DMXL2: variants seen among roughly 807,000 people sequenced by gnomAD.
The protein encoded by DMXL2 is dmX-like protein 2.
DMXL2 carries 103 observed loss-of-function variants against 331.1 expected under a neutral mutation model. The observed-to-expected ratio is 0.31, with a 90% CI of 0.27 to 0.37. DMXL2 has a LOEUF of 0.37. Among genes scored for constraint, DMXL2 ranks in the 10% least tolerant of loss-of-function variants. DMXL2 has a pLI of 1.00. For missense variants in DMXL2, 3,171 were observed against 3,642.9 expected (o/e 0.87, Z 3.33); for synonymous variants, 1,281 against 1,252.1 (o/e 1.02, Z -0.49).
chr15:51,549,957 G>C, intron 6 of DMXL2, among the ~76,000 whole-genome samples: 1 of 151,712 alleles, frequency 6.6e-6, no homozygotes, highest in East Asian at 1.9e-4. Context: ...AGAAACTCCA[G>C]GAAAGGACAT....
intron 43 of DMXL2, among the ~76,000 whole-genome samples, chr15:51,449,725 A>T (rs948144152): frequency 1.3e-5 from 2 of 152,174 alleles, no homozygotes; most frequent in Non-Finnish European, 2.9e-5. Context: ...GTTGGGACAT[A>T]ATCCCACCAT....
intron 33 of DMXL2, among the ~76,000 whole-genome samples, chr15:51,461,977 CAA>C (rs1164593502): frequency 5.3e-5 from 8 of 152,184 alleles, no homozygotes; most frequent in Non-Finnish European, 1.2e-4. Context: ...ATTTCCCTAA[CAA>C]AGTCACATCA....
At chr15:51,616,100 G>C (rs1191340824) in intron 1 of DMXL2, among the ~76,000 whole-genome samples, 1 of 152,136 alleles carries the variant, frequency 6.6e-6, no homozygotes, top group Non-Finnish European at 1.5e-5. Context: ...GTTTTTAGAA[G>C]ACAGTGGACC....
At chr15:51,573,335 C>T (rs1046334208) in intron 2 of DMXL2, among the ~76,000 whole-genome samples, 4 of 152,184 alleles carry the variant, frequency 2.6e-5, no homozygotes, top group Admixed American at 2.6e-4. Flanking sequence ...ACCCACCAAT[C>T]CCATTACTGG....
chr15:51,455,239 A>T lies in DMXL2; in HGVS notation c.8527-11T>A. On this transcript the variant is annotated splice_polypyrimidine_tract_variant and intron_variant, in intron 39 of 43. Transcript: ENST00000560891. ...ATCCGCAACACCACACTGTAAGAAC[A>T]GTATAACTACTAAACACATGTTCTT... The T allele has an allele frequency of 6.2e-7, 1 of 1,610,838 alleles. No homozygotes were observed. The highest frequency in any genetic ancestry group is 8.5e-7 in the Non-Finnish European group (1 of 1,176,958).
intron 6 of DMXL2, among the ~76,000 whole-genome samples, chr15:51,551,129 C>T (rs921051841): frequency 1.3e-5 from 2 of 151,768 alleles, no homozygotes; most frequent in Non-Finnish European, 2.9e-5. Flanking sequence ...AAAAAACTGC[C>T]CAACATTCCA....
Position 51,500,202 on chromosome 15 carries a change from C to T in DMXL2, c.3022G>A (p.Val1008Met). The change falls in exon 18 of 44, where the codon GTG (valine) becomes ATG (methionine). Residue 1008 changes from valine to methionine, a missense_variant. Transcript: ENST00000560891. ...ACCACTAAATAAGGTGCAAGGCACA[C>T]TGGATAAATTGAAGAAGAACTCAGA... is the stretch of plus-strand genomic sequence containing the variant. ...GHLSSSSIYP[V>M]CLAPYLVVTT... 6.2e-7 allele frequency: 1 copy of T among 1,606,612 alleles called. No individual in the cohort carries two copies. The highest frequency in any genetic ancestry group is 8.5e-7 in the Non-Finnish European group (1 of 1,177,284).
At chr15:51,509,089 C>A (rs557926334) in intron 15 of DMXL2, among the ~76,000 whole-genome samples, 64 of 151,750 alleles carry the variant, frequency 4.2e-4, no homozygotes, top group Admixed American at 4.2e-3. Flanking sequence ...AATGTTGAAC[C>A]CAGATCTAAT....
chr15:51,522,557 T>C lies in DMXL2; in HGVS notation c.2437-5390A>G, dbSNP rs573827762. 1.9e-3 allele frequency among the ~76,000 whole-genome samples: 293 copies of C among 152,230 alleles called. 4 individuals are homozygous for C. The highest frequency in any genetic ancestry group is 1.7e-3 in the Non-Finnish European group (113 of 68,012). The stretch of plus-strand genomic sequence containing the variant: ...TACTCAGGAGGCTGAGGCACAAGAA[T>C]CACTTGAACCTAGGAGGCAGCGGTT... On this transcript the variant is annotated intron_variant, in intron 13 of 43. Coordinates refer to ENST00000560891, the MANE Select transcript of DMXL2 (RefSeq NM_001378457.1).
At position 51,536,632 on chromosome 15, in the gene DMXL2, G is replaced by A. The variant is rs776117746; in HGVS notation, c.1848C>T (p.His616=). ...CCCACTGATTTAAAGAACCATCTAT[G>A]TGTTTAGAGATCATCATTACTGTGG... ...LAPTVMMISK[H]IDGSLNQWAV... is the part of the protein sequence containing the mutation. Residue 616 remains histidine, a synonymous_variant, in exon 12 of 44, where the codon CAC becomes CAT. Coordinates refer to ENST00000560891, the MANE Select transcript of DMXL2 (RefSeq NM_001378457.1). The A allele has an allele frequency of 1.2e-6, 2 of 1,614,098 alleles. No homozygotes were observed. Among genetic ancestry groups the A allele is most frequent in the Admixed American group, 3.3e-5 (2 of 60,006 alleles).
chr15:51,450,411 A>AC, intron 42 of DMXL2, 65 bp from the exon 43 acceptor site: 4 of 1,466,674 alleles, frequency 2.7e-6, no homozygotes, highest in Non-Finnish European at 3.8e-6. Flanking sequence ...TATGATGTCT[A>AC]CATCCACATT....
At chr15:51,603,199 A>AT (rs1376408139) in intron 1 of DMXL2, among the ~76,000 whole-genome samples, 2 of 152,220 alleles carry the variant, frequency 1.3e-5, no homozygotes, top group Non-Finnish European at 2.9e-5. Context: ...GCAATATAAC[A>AT]TAAAAACTTC....
At chr15:51,550,618 G>A (rs1478669036) in intron 6 of DMXL2, among the ~76,000 whole-genome samples, 4 of 151,922 alleles carry the variant, frequency 2.6e-5, no homozygotes, top group Non-Finnish European at 5.9e-5. Flanking sequence ...TCCATTTTTT[G>A]AAGAAAACAG....
Position 51,457,421 on chromosome 15 carries a change from T to C in DMXL2, c.8244A>G (p.Gln2748=), listed in dbSNP as rs997324847. 15 of 1,614,172 alleles carry C rather than the reference T, an allele frequency of 9.3e-6. No homozygotes were observed. The highest frequency in any genetic ancestry group is 1.2e-5 in the Non-Finnish European group (14 of 1,180,012). ...DYRGSTTTLY[Q]PSATSYSASQ... ...TTGCTGAATAGGATGTTGCACTGGG[T>C]TGATAAAGAGTTGTAGTGGAACCAC... The change falls in exon 37 of 44, where the codon CAA becomes CAG. Residue 2748 remains glutamine (Q), a synonymous_variant. Transcript: ENST00000560891.
At chr15:51,578,837 G>A (rs748275537) in intron 1 of DMXL2, among the ~76,000 whole-genome samples, 1 of 152,178 alleles carries the variant, frequency 6.6e-6, no homozygotes, top group Non-Finnish European at 1.5e-5. Context: ...GGGTACAGTG[G>A]CTCATGCCTG....
At chr15:51,604,581 C>A (rs940407903) in intron 1 of DMXL2, among the ~76,000 whole-genome samples, 45 of 152,246 alleles carry the variant, frequency 3.0e-4, no homozygotes, top group Admixed American at 1.1e-3. Context: ...TATGCATAAA[C>A]ACTGATGAAA....
intron 30 of DMXL2, 25 bp downstream of exon 30, chr15:51,466,159 T>G: frequency 6.6e-7 from 1 of 1,505,024 alleles, no homozygotes; most frequent in African/African-American, 1.5e-5. Context: ...AAAAAAAAAA[T>G]GAGAGAAAGA....
Position 51,488,128 on chromosome 15 carries a change from C to T in DMXL2, c.5052-9G>A. Reference sequence around the variant, plus strand: ...TTTCATCATGCTGTGACCTGGGGACCGAGCATAAACATAAAGTGGTTAAAC... The same window carrying T: ...TTTCATCATGCTGTGACCTGGGGACTGAGCATAAACATAAAGTGGTTAAAC... On this transcript the variant is annotated splice_polypyrimidine_tract_variant and intron_variant, in intron 21 of 43. Transcript: ENST00000560891. 2 of 1,577,318 alleles carry T rather than the reference C, an allele frequency of 1.3e-6. No individual in the cohort carries two copies. Among genetic ancestry groups the T allele is most frequent in the Non-Finnish European group, 8.6e-7 (1 of 1,164,036 alleles).
Position 51,535,672 on chromosome 15 carries a change from T to G in DMXL2, c.2427A>C (p.Pro809=), listed in dbSNP as rs1159793153. ...ATTATTAAATACTTACTGAAGATTC[T>G]GGGTCTGACAATTCATCTAATAATT... The part of the protein sequence containing the change: ...ARKLLDELSD[P]ESSKLIGEVF... The change falls in exon 13 of 44, where the codon CCA becomes CCC. Residue 809 remains proline, a synonymous_variant. Coordinates refer to ENST00000560891, the MANE Select transcript of DMXL2 (RefSeq NM_001378457.1). 2.5e-6 allele frequency: 4 copies of G among 1,595,994 alleles called. No individual in the cohort carries two copies. The African/African-American group carries it at 5.4e-5, about 22-fold the overall frequency.
Sources: allele counts gnomAD v4.1 joint callset (sites outside exome capture counted in the v4.1 genomes callset), GRCh38; gene constraint gnomAD v4.1.1; transcripts MANE v1.5; gene names NCBI Gene and HGNC (gene_info 2026-07-23, HGNC 2026-07-21).